The following FRMD5 variants were observed in gnomAD, a reference collection of about 807,000 sequenced individuals.
The protein encoded by FRMD5 is FERM domain containing 5.
In FRMD5, 20 loss-of-function variants were observed where a neutral mutation model predicts 69.0. That is an observed-to-expected ratio of 0.29 (90% CI 0.20 to 0.42). FRMD5 has a LOEUF of 0.42. FRMD5 is among the 10% of genes least tolerant of loss of function. The pLI is 1.00. For synonymous variants in FRMD5, 271 were observed against 260.1 expected (o/e 1.04, Z -0.40); for missense variants, 595 against 708.6 (o/e 0.84, Z 1.82).
chr15:44,104,750 A>G (rs1457975250), intron 1 of FRMD5, among the ~76,000 whole-genome samples: 1 of 152,188 alleles, frequency 6.6e-6, no homozygotes, highest in African/African-American at 2.4e-5. Flanking sequence ...TGTACACTCT[A>G]TGATGTTCAC....
chr15:44,075,916 T>C (rs1432938945), intron 1 of FRMD5, among the ~76,000 whole-genome samples: 1 of 152,182 alleles, frequency 6.6e-6, no homozygotes, highest in Non-Finnish European at 1.5e-5. Context: ...TGATGGCCAG[T>C]GATGATGAGC....
intron 1 of FRMD5, among the ~76,000 whole-genome samples, chr15:44,037,276 T>C (rs1442420506): frequency 6.6e-6 from 1 of 152,132 alleles, no homozygotes; most frequent in Non-Finnish European, 1.5e-5. Flanking sequence ...CTTAGAATGA[T>C]GGTTTCCAGC....
intron 1 of FRMD5, among the ~76,000 whole-genome samples, chr15:44,031,573 T>A (rs1285807625): frequency 6.6e-6 from 1 of 152,030 alleles, no homozygotes; most frequent in African/African-American, 2.4e-5. Context: ...TTAATCCCAA[T>A]CATGAGTACT....
chr15:43,979,705 G>T (rs1004918921), intron 1 of FRMD5, among the ~76,000 whole-genome samples: 1 of 152,162 alleles, frequency 6.6e-6, no homozygotes, highest in Non-Finnish European at 1.5e-5. Context: ...GGCATTAGTG[G>T]AGATACTCTG....
intron 1 of FRMD5, among the ~76,000 whole-genome samples, chr15:44,053,203 T>C (rs1281083769): frequency 6.6e-6 from 1 of 152,048 alleles, no homozygotes; most frequent in East Asian, 1.9e-4. Flanking sequence ...ATGTGGTACA[T>C]TAAAAAGCTC....
At chr15:44,058,587 C>A (rs962314995) in intron 1 of FRMD5, among the ~76,000 whole-genome samples, 4 of 151,970 alleles carry the variant, frequency 2.6e-5, no homozygotes, top group Non-Finnish European at 4.4e-5. Flanking sequence ...GAGATCGAGA[C>A]CATCCTGGCT....
At chr15:43,879,404 A>AT (rs2088461245) in intron 13 of FRMD5, 12 of 398,004 alleles carry the variant, frequency 3.0e-5, no homozygotes, top group Middle Eastern at 6.3e-4. Context: ...CTGTCCTGCC[A>AT]TTTCATCGAA....
intron 1 of FRMD5, among the ~76,000 whole-genome samples, chr15:44,065,725 G>A (rs1257793528): frequency 6.6e-6 from 1 of 152,122 alleles, no homozygotes; most frequent in East Asian, 1.9e-4. Context: ...TAGTCAATAA[G>A]CATATAAACT....
intron 13 of FRMD5, among the ~76,000 whole-genome samples, chr15:43,878,550 A>G (rs1294407706): frequency 6.6e-6 from 1 of 152,208 alleles, no homozygotes; most frequent in Non-Finnish European, 1.5e-5. Flanking sequence ...CCATTTGCAC[A>G]TGCAGCTTGA....
At chr15:43,974,360 T>A (rs1328084026) in intron 1 of FRMD5, among the ~76,000 whole-genome samples, 6 of 152,168 alleles carry the variant, frequency 3.9e-5, no homozygotes, top group Admixed American at 3.9e-4. Flanking sequence ...GTCTTTCCCT[T>A]TTTGGACTCC....
chr15:44,043,743 T>C (rs1025253149), intron 1 of FRMD5, among the ~76,000 whole-genome samples: 2 of 152,050 alleles, frequency 1.3e-5, no homozygotes, highest in African/African-American at 4.8e-5. Flanking sequence ...TGAAACTGGA[T>C]CCCTTCCTTA....
intron 1 of FRMD5, among the ~76,000 whole-genome samples, chr15:44,162,784 T>G (rs986990043): frequency 6.7e-6 from 1 of 148,404 alleles, no homozygotes; most frequent in Non-Finnish European, 1.5e-5. Flanking sequence ...GGAGAATTGC[T>G]TGAACCTGGG....
At chr15:44,043,400 G>C (rs145675716) in intron 1 of FRMD5, among the ~76,000 whole-genome samples, 1 of 152,032 alleles carries the variant, frequency 6.6e-6, no homozygotes, top group Non-Finnish European at 1.5e-5. Flanking sequence ...CCACTGACTT[G>C]CTTCACAGAA....
chr15:44,027,651 G>GTTT (rs759567597), intron 1 of FRMD5, among the ~76,000 whole-genome samples: 39 of 73,954 alleles, frequency 5.3e-4, no homozygotes, highest in East Asian at 3.8e-3. Context: ...TTTTTTTTTT[G>GTTT]TTTTTTTTTT....
At chr15:44,035,735 T>A (rs1396538317) in intron 1 of FRMD5, among the ~76,000 whole-genome samples, 1 of 152,218 alleles carries the variant, frequency 6.6e-6, no homozygotes, top group Non-Finnish European at 1.5e-5. Flanking sequence ...TATTTTTTCT[T>A]TGGACCAACT....
At chr15:43,934,918 G>A (rs1407282571) in intron 1 of FRMD5, among the ~76,000 whole-genome samples, 2 of 152,196 alleles carry the variant, frequency 1.3e-5, no homozygotes, top group African/African-American at 2.4e-5. Flanking sequence ...TTATTTGTAT[G>A]ATCTTGTGTA....
At chr15:44,110,033 T>C (rs1249983267) in intron 1 of FRMD5, among the ~76,000 whole-genome samples, 1 of 152,250 alleles carries the variant, frequency 6.6e-6, no homozygotes, top group Admixed American at 6.5e-5. Flanking sequence ...TTCACCTTCT[T>C]GTAACTTTGT....
chr15:43,899,651 C>T (rs868124084), intron 7 of FRMD5, among the ~76,000 whole-genome samples: 1 of 152,298 alleles, frequency 6.6e-6, no homozygotes, highest in South Asian at 2.1e-4. Flanking sequence ...TTCTTCCCTC[C>T]CTCCCTCTTT....
intron 1 of FRMD5, among the ~76,000 whole-genome samples, chr15:44,011,971 C>T (rs1228445957): frequency 6.6e-6 from 1 of 152,150 alleles, no homozygotes; most frequent in African/African-American, 2.4e-5. Context: ...AAAGAGGGAA[C>T]AAATGGGCTA....
Sources: gnomAD v4.1 joint callset for allele counts (sites outside exome capture counted in the v4.1 genomes callset) on GRCh38, gnomAD v4.1.1 for gene constraint, MANE v1.5 for transcripts, NCBI Gene and HGNC (gene_info 2026-07-23, HGNC 2026-07-21) for gene names.